NPEPL1: variants seen among roughly 807,000 people sequenced by gnomAD.
NPEPL1 encodes aminopeptidase like 1.
A neutral mutation model predicts 52.4 loss-of-function variants in NPEPL1; 45 were observed. The observed-to-expected ratio is 0.86, with a 90% CI of 0.68 to 1.10. The LOEUF is 1.10. Among genes scored for constraint, NPEPL1 ranks in the 50% least tolerant of loss-of-function variants. The pLI, the probability that NPEPL1 is intolerant of heterozygous loss-of-function variation, is 0.00. For missense variants in NPEPL1, 696 were observed against 710.9 expected, an observed-to-expected ratio of 0.98 and a Z score of 0.24; for synonymous variants, 360 against 314.7, an observed-to-expected ratio of 1.14 and a Z score of -1.52.
At chr20:58,707,265 C>A in intron 7 of NPEPL1, 65 bp downstream of exon 7, 1 of 1,388,302 alleles carries the variant, frequency 7.2e-7, no homozygotes, top group South Asian at 1.4e-5. Context: ...GCTCCCCTCT[C>A]CCCTGTCCGT....
upstream of NPEPL1, chr20:58,691,317 C>T (rs926923845): frequency 1.8e-5 from 8 of 435,618 alleles, no homozygotes; most frequent in East Asian, 1.2e-4. Context: ...ACTTTTATGT[C>T]GGGAAAGCTG....
rs542094281 is a variant in NPEPL1 at position 58,696,780 on chromosome 20, G to A, written c.508-1904G>A. Among the ~76,000 whole-genome samples, 5 of 152,272 alleles carry A rather than the reference G, an allele frequency of 3.3e-5. No individual in the cohort carries two copies. In the South Asian group the frequency reaches 8.3e-4, roughly 25 times the overall value. On this transcript the variant is annotated intron_variant, in intron 3 of 11. Coordinates refer to ENST00000356091, the MANE Select transcript of NPEPL1 (RefSeq NM_024663.4). The stretch of plus-strand genomic sequence containing the variant: ...TGTCAGGCCCTGCGCTGAGGCAGGA[G>A]TGTGCACACAGCACGTGCTGGTGCA...
intron 7 of NPEPL1, among the ~76,000 whole-genome samples, chr20:58,710,232 A>C (rs1163953921): frequency 6.6e-6 from 1 of 151,766 alleles, no homozygotes; most frequent in African/African-American, 2.4e-5. Context: ...ACAGGGTTTC[A>C]CCTTGTTGGC....
intron 6 of NPEPL1, chr20:58,704,308 A>AT: frequency 1.0e-6 from 1 of 985,290 alleles, no homozygotes. Context: ...TCACAGCTCC[A>AT]TTTTCAAAGA....
chr20:58,698,558 C>G (rs1195316646), intron 3 of NPEPL1, 126 bp from the exon 4 acceptor site: 1 of 794,638 alleles, frequency 1.3e-6, no homozygotes, highest in Non-Finnish European at 2.1e-6. Flanking sequence ...TCTCCCCTCT[C>G]TTTGCTGCCC....
In NPEPL1 at chr20:58,714,670, TGTGA is replaced by T. The variant is rs749913231; in HGVS notation, c.1413+4_1413+7del. 6.3e-6 allele frequency: 10 copies of T among 1,582,482 alleles called. No individual in the cohort carries two copies. The highest frequency in any genetic ancestry group is 2.3e-5 in the East Asian group (1 of 43,438). On this transcript the variant is annotated splice_donor_variant and splice_donor_region_variant and intron_variant, in intron 11 of 11. Transcript: ENST00000356091. LOFTEE classifies it high-confidence loss of function. ...TGGACATTGCTGCACCGGTGCATGC[TGTGA>T]GTGTCTCCCCTCCCCACTGGCCCTG... is the stretch of plus-strand genomic sequence containing the variant.
At chr20:58,705,034 A>T (rs150955380) in intron 6 of NPEPL1, among the ~76,000 whole-genome samples, 27 of 152,328 alleles carry the variant, frequency 1.8e-4, no homozygotes, top group Non-Finnish European at 3.1e-4. Context: ...AAATCACTTA[A>T]TATCACCATC....
chr20:58,700,566 A>T (rs1568851690), intron 5 of NPEPL1, among the ~76,000 whole-genome samples: 1 of 152,212 alleles, frequency 6.6e-6, no homozygotes, highest in Non-Finnish European at 1.5e-5. Context: ...TTTCTTGAGA[A>T]GATGTGTCAT....
chr20:58,691,364 CTTTTTTTTTTTTTTTT>C (rs59929508), upstream of NPEPL1: 905 of 176,674 alleles, frequency 5.1e-3, no homozygotes, highest in Middle Eastern at 0.016. Context: ...CATTCAACAG[CTTTTTTTTTTTTTTTT>C]TTTTTTTTTT....
chr20:58,714,708 C>T (rs371296214), intron 11 of NPEPL1, 38 bp downstream of exon 11: 34 of 1,486,854 alleles, frequency 2.3e-5, no homozygotes, highest in Admixed American at 3.9e-5. Flanking sequence ...TGGCTGCTCC[C>T]GCCCGCTTGT....
chr20:58,705,955 A>T (rs977359651), intron 6 of NPEPL1, among the ~76,000 whole-genome samples: 3 of 152,238 alleles, frequency 2.0e-5, no homozygotes, highest in Non-Finnish European at 4.4e-5. Context: ...AAGCAGCTCA[A>T]TTTACATCTA....
Position 58,698,665 on chromosome 20 carries a change from A to C in NPEPL1, c.508-19A>C. The stretch of plus-strand genomic sequence containing the variant: ...TCTGCCTCCCACCTGGTCCCCAGTG[A>C]TGGCCTTTTTCTCCCTAGTGCTTAG... On this transcript the variant is annotated intron_variant, in intron 3 of 11. Transcript: ENST00000356091. 3 of 1,608,534 alleles carry C rather than the reference A, an allele frequency of 1.9e-6. No homozygotes were observed. The highest frequency in any genetic ancestry group is 2.5e-6 in the Non-Finnish European group (3 of 1,177,046).
chr20:58,698,723 C>T lies in NPEPL1; in HGVS notation c.547C>T (p.Arg183Cys), dbSNP rs558948095. Residue 183 changes from arginine (R) to cysteine (C), a missense_variant, in exon 4 of 12, where the codon CGC (arginine) becomes TGC (cysteine). Physicochemically the swap from Arg to Cys is radical, Grantham distance 180. Transcript: ENST00000356091. The stretch of plus-strand genomic sequence containing the variant: ...CACAGACGGCGTGCGGCTAGCAGCC[C>T]GCATCGTGGACACACCCTGCAATGA... The part of the protein sequence containing the change: ...NATDGVRLAA[R>C]IVDTPCNEMN... 1.3e-5 allele frequency: 21 copies of T among 1,612,948 alleles called. No individual in the cohort carries two copies. Among genetic ancestry groups the T allele is most frequent in the Admixed American group, 5.0e-5 (3 of 60,022 alleles).
At chr20:58,690,912 T>A (rs777397859), upstream of NPEPL1, 80 of 516,186 alleles carry the variant, frequency 1.5e-4, no homozygotes, top group Non-Finnish European at 2.6e-4. Flanking sequence ...CAAAATTCTA[T>A]AGAGTGAGCC....
At chr20:58,692,213 C>A, upstream of NPEPL1, 1 of 269,358 alleles carries the variant, frequency 3.7e-6, no homozygotes, top group Non-Finnish European at 7.1e-6. The surrounding 1 kb of genome is among the most constrained non-coding windows in gnomAD (Gnocchi z 5.7). Context: ...TCCCTGTCAC[C>A]CTCTCACATC....
chr20:58,712,187 A>C (rs1274662182), intron 7 of NPEPL1, among the ~76,000 whole-genome samples: 2 of 152,106 alleles, frequency 1.3e-5, no homozygotes, highest in Non-Finnish European at 2.9e-5. Context: ...AGGCTTCATG[A>C]CTGCCCAGCC....
chr20:58,693,662 G>A (rs2084401162), intron 1 of NPEPL1, 75 bp from the exon 2 acceptor site: 1 of 1,372,748 alleles, frequency 7.3e-7, no homozygotes. Flanking sequence ...TTGTGGCCGT[G>A]GCTGCAGGGC....
chr20:58,699,300 G>A, intron 5 of NPEPL1, 22 bp downstream of exon 5: 1 of 1,582,750 alleles, frequency 6.3e-7, no homozygotes, highest in Non-Finnish European at 8.6e-7. Context: ...CTGCATCCCT[G>A]CAGCTCTTGG....
intron 5 of NPEPL1, among the ~76,000 whole-genome samples, chr20:58,700,353 C>T (rs773779603): frequency 6.6e-6 from 1 of 152,202 alleles, no homozygotes; most frequent in Non-Finnish European, 1.5e-5. Flanking sequence ...TCTACCTAGA[C>T]AGGAGCCATT....
Sources: gnomAD v4.1 joint callset for allele counts (sites outside exome capture counted in the v4.1 genomes callset) on GRCh38, gnomAD v4.1.1 for gene constraint, Gnocchi (gnomAD v3.1) non-coding constraint, MANE v1.5 for transcripts, NCBI Gene and HGNC (gene_info 2026-07-23, HGNC 2026-07-21) for gene names.